The following AGBL1 variants were observed in gnomAD, a reference collection of about 807,000 sequenced individuals.
AGBL1 encodes the protein AGBL carboxypeptidase 1.
A neutral mutation model predicts 118.9 loss-of-function variants in AGBL1; 130 were observed. The observed-to-expected ratio is 1.09, with a 90% confidence interval of 0.95 to 1.26. AGBL1 has a LOEUF of 1.26. Among genes scored for constraint, AGBL1 ranks in the 50% most tolerant of loss-of-function variants. The pLI is 0.00. For synonymous variants in AGBL1, 555 were observed against 478.9 expected (o/e 1.16, Z -2.08); for missense variants, 1,584 against 1,298.1 (o/e 1.22, Z -3.38).
At chr15:86,540,404 A>C (rs915568096) in intron 19 of AGBL1, among the ~76,000 whole-genome samples, 1 of 152,100 alleles carries the variant, frequency 6.6e-6, no homozygotes, top group Non-Finnish European at 1.5e-5. Flanking sequence ...GACCAGCCTG[A>C]GCAACATGGC....
Position 87,023,570 on chromosome 15 carries a change from G to C in AGBL1, c.3324-5255G>C, listed in dbSNP as rs138475006. On this transcript the variant is annotated intron_variant, in intron 24 of 24. Coordinates refer to the AGBL1 transcript ENST00000441037. ...AATACACCACTGACATCACTAGACAGGTCATCAAGACAGAAATTCAACAAA... is the reference window on the plus strand; with the variant it reads ...AATACACCACTGACATCACTAGACACGTCATCAAGACAGAAATTCAACAAA... 4.1e-3 allele frequency among the ~76,000 whole-genome samples: 629 copies of C among 152,060 alleles called. 9 individuals carry two copies. Among genetic ancestry groups the C allele is most frequent in the African/African-American group, 0.015 (612 of 41,502 alleles).
At chr15:86,969,445 C>A (rs1381870155) in intron 23 of AGBL1, among the ~76,000 whole-genome samples, 1 of 151,754 alleles carries the variant, frequency 6.6e-6, no homozygotes, top group Non-Finnish European at 1.5e-5. Flanking sequence ...CACCTTAAGT[C>A]TCTGCCATGT....
At chr15:86,746,438 A>C (rs1227064319) in intron 22 of AGBL1, among the ~76,000 whole-genome samples, 2 of 151,918 alleles carry the variant, frequency 1.3e-5, no homozygotes. Flanking sequence ...CAGTAAGTTT[A>C]CCCTTGATTT....
At chr15:86,166,421 A>G (rs1015988328) in intron 5 of AGBL1, among the ~76,000 whole-genome samples, 1 of 152,146 alleles carries the variant, frequency 6.6e-6, no homozygotes, top group African/African-American at 2.4e-5. Context: ...AGAAAAGCCC[A>G]CAGAGCTGAG....
chr15:86,989,658 T>A (rs921753287), intron 24 of AGBL1, among the ~76,000 whole-genome samples: 3 of 152,224 alleles, frequency 2.0e-5, no homozygotes, highest in African/African-American at 7.2e-5. Context: ...AAAGATTTTA[T>A]TATTTTTTTA....
chr15:86,103,800 T>C (rs1266554847), intron 1 of AGBL1, among the ~76,000 whole-genome samples: 1 of 152,202 alleles, frequency 6.6e-6, no homozygotes, highest in Non-Finnish European at 1.5e-5. Flanking sequence ...GGCGTTGGTG[T>C]TAGCTATTCT....
intron 1 of AGBL1, among the ~76,000 whole-genome samples, chr15:86,129,166 C>T (rs908085982): frequency 6.6e-6 from 1 of 152,170 alleles, no homozygotes; most frequent in Non-Finnish European, 1.5e-5. Context: ...AAGCCACACC[C>T]TCAATTTAAT....
chr15:86,962,985 ACTTAT>A (rs1294567237), intron 23 of AGBL1, among the ~76,000 whole-genome samples: 6 of 152,120 alleles, frequency 3.9e-5, no homozygotes, highest in African/African-American at 1.4e-4. Context: ...GGTTAATTGC[ACTTAT>A]CTTTTAAAAC....
Position 86,744,580 on chromosome 15 carries a change from CCTTT to C in AGBL1, c.3158+70149_3158+70152del, listed in dbSNP as rs536391243. 5.9e-5 allele frequency among the ~76,000 whole-genome samples: 9 copies of C among 152,208 alleles called. No homozygotes were observed. In the South Asian group the frequency reaches 1.7e-3, roughly 28 times the overall value. ...ATTCCGAAAGCAAAGGGCAGAGGCA[CCTTT>C]CTTTATAGATCAACATTAGACTAAG... On this transcript the variant is annotated intron_variant, in intron 22 of 22. Coordinates refer to ENST00000614907, the MANE Select transcript of AGBL1 (RefSeq NM_001386094.1).
At chr15:86,835,546 G>A (rs2079159448) in intron 22 of AGBL1, among the ~76,000 whole-genome samples, 1 of 152,076 alleles carries the variant, frequency 6.6e-6, no homozygotes, top group South Asian at 2.1e-4. Context: ...TATAAGAGAT[G>A]TCTATGGTGT....
chr15:86,576,690 G>A lies in AGBL1; in HGVS notation c.2994+22153G>A, dbSNP rs185581257. 7.9e-5 allele frequency among the ~76,000 whole-genome samples: 12 copies of A among 152,324 alleles called. No homozygotes were observed. In the East Asian group the frequency reaches 2.3e-3, roughly 29 times the overall value. ...CACCTTGAATTCCCATGTGTTGTGG[G>A]AGGGACTTGATAGAAGGTAATTGAA... On this transcript the variant is annotated intron_variant, in intron 21 of 22. Coordinates refer to ENST00000614907, the MANE Select transcript of AGBL1 (RefSeq NM_001386094.1).
intron 24 of AGBL1, among the ~76,000 whole-genome samples, chr15:86,990,443 G>A (rs1037903994): frequency 9.2e-5 from 14 of 152,046 alleles, no homozygotes; most frequent in Admixed American, 9.2e-4. Flanking sequence ...GAACCCAGGG[G>A]GCAGAGTTTG....
At chr15:86,108,968 C>A (rs958872897) in intron 1 of AGBL1, among the ~76,000 whole-genome samples, 1 of 152,028 alleles carries the variant, frequency 6.6e-6, no homozygotes, top group Non-Finnish European at 1.5e-5. Context: ...AACAAACAAA[C>A]AATCAAACAA....
At chr15:86,604,428 C>A (rs1185861267) in intron 21 of AGBL1, among the ~76,000 whole-genome samples, 1 of 152,130 alleles carries the variant, frequency 6.6e-6, no homozygotes, top group Admixed American at 6.5e-5. Context: ...GCCAAAGTTA[C>A]CCATCTAATC....
At chr15:86,403,889 A>T (rs561620004) in intron 18 of AGBL1, among the ~76,000 whole-genome samples, 2 of 152,200 alleles carry the variant, frequency 1.3e-5, no homozygotes, top group Non-Finnish European at 2.9e-5. Context: ...TCAAATGATA[A>T]GGAAACTGAG....
chr15:86,787,517 G>A (rs1487182414), intron 22 of AGBL1, among the ~76,000 whole-genome samples: 2 of 152,106 alleles, frequency 1.3e-5, no homozygotes, highest in Non-Finnish European at 2.9e-5. Context: ...GTGAAATCAT[G>A]CAGTATTTTT....
intron 18 of AGBL1, among the ~76,000 whole-genome samples, chr15:86,421,296 G>C (rs1314426650): frequency 6.6e-6 from 1 of 151,986 alleles, no homozygotes; most frequent in Non-Finnish European, 1.5e-5. Context: ...GAAGAGAGTG[G>C]GGCCAATATT....
At chr15:86,218,293 G>A (rs1437576380) in intron 5 of AGBL1, among the ~76,000 whole-genome samples, 2 of 152,152 alleles carry the variant, frequency 1.3e-5, no homozygotes, top group African/African-American at 4.8e-5. Context: ...GTGGTGTTAA[G>A]GGTGCATGTT....
intron 5 of AGBL1, among the ~76,000 whole-genome samples, chr15:86,183,909 A>G (rs950919498): frequency 1.3e-5 from 2 of 152,208 alleles, no homozygotes; most frequent in South Asian, 2.1e-4. Flanking sequence ...TCAAGAGTCA[A>G]TGAGGCAGAG....
Sources: gnomAD v4.1 joint callset for allele counts (sites outside exome capture counted in the v4.1 genomes callset) on GRCh38, gnomAD v4.1.1 for gene constraint, MANE v1.5 for transcripts, NCBI Gene and HGNC (gene_info 2026-07-23, HGNC 2026-07-21) for gene names.